JARID2: variants seen among roughly 807,000 people sequenced by gnomAD.
The protein encoded by JARID2 is protein Jumonji.
A neutral mutation model predicts 125.6 loss-of-function variants in JARID2; 21 were observed. The ratio of observed to expected loss-of-function variants is 0.17; its 90% confidence interval spans 0.12 to 0.24. The LOEUF (loss-of-function observed/expected upper bound fraction) is 0.24, where lower values mean the gene tolerates loss of function less well. JARID2 is among the 10% of genes least tolerant of loss of function. JARID2 has a pLI of 1.00. For synonymous variants in JARID2, 736 were observed against 661.6 expected, an observed-to-expected ratio of 1.11 and a Z score of -1.73; for missense variants, 1,303 against 1,639.6, an observed-to-expected ratio of 0.79 and a Z score of 3.55.
chr6:15,305,202 G>A (rs1051114544), intron 1 of JARID2, among the ~76,000 whole-genome samples: 15 of 152,258 alleles, frequency 9.9e-5, no homozygotes, highest in East Asian at 7.7e-4. Context: ...TGAAGAAAAC[G>A]TGAAGAAGGA....
chr6:15,415,495 T>C (rs1363582093), intron 3 of JARID2, among the ~76,000 whole-genome samples: 2 of 127,606 alleles, frequency 1.6e-5, no homozygotes, highest in African/African-American at 2.9e-5. Flanking sequence ...GCAGAGGGGC[T>C]CCTCACTTCC....
intron 1 of JARID2, among the ~76,000 whole-genome samples, chr6:15,255,786 T>C (rs142351718): frequency 1.3e-5 from 2 of 152,306 alleles, no homozygotes; most frequent in Non-Finnish European, 2.9e-5. Context: ...GGGGGCTGAG[T>C]GAATGCTTAT....
intron 5 of JARID2, among the ~76,000 whole-genome samples, chr6:15,477,846 T>G (rs950640757): frequency 6.6e-6 from 1 of 152,198 alleles, no homozygotes; most frequent in Non-Finnish European, 1.5e-5. Context: ...AACAACCTTA[T>G]AATTGCTAGG....
At chr6:15,277,736 GCTTT>G (rs1760585457) in intron 1 of JARID2, among the ~76,000 whole-genome samples, 1 of 149,334 alleles carries the variant, frequency 6.7e-6, no homozygotes, top group African/African-American at 2.5e-5. Context: ...ACAGAGAACA[GCTTT>G]CTATTTGTCG....
At chr6:15,298,395 T>G (rs984234084) in intron 1 of JARID2, among the ~76,000 whole-genome samples, 1 of 152,038 alleles carries the variant, frequency 6.6e-6, no homozygotes, top group African/African-American at 2.4e-5. Context: ...CAGAATTCCA[T>G]GGGTATCTTT....
chr6:15,333,250 A>G (rs1420638905), intron 1 of JARID2, among the ~76,000 whole-genome samples: 5 of 152,116 alleles, frequency 3.3e-5, no homozygotes, highest in Non-Finnish European at 5.9e-5. Flanking sequence ...CTTTTAAAGT[A>G]TATACAACTC....
chr6:15,373,586 C>T (rs1764247121), intron 1 of JARID2, among the ~76,000 whole-genome samples: 2 of 152,162 alleles, frequency 1.3e-5, no homozygotes, highest in Middle Eastern at 3.2e-3. Flanking sequence ...ACTTAAGTGG[C>T]CAATGCGGAT....
chr6:15,378,017 T>C (rs1376211233), intron 2 of JARID2, among the ~76,000 whole-genome samples: 3 of 151,694 alleles, frequency 2.0e-5, no homozygotes, highest in Non-Finnish European at 2.9e-5. Flanking sequence ...CCAGAGTAGC[T>C]GGGATTACAG....
intron 1 of JARID2, among the ~76,000 whole-genome samples, chr6:15,320,029 A>G (rs1338195848): frequency 6.6e-6 from 1 of 152,230 alleles, no homozygotes; most frequent in East Asian, 1.9e-4. Flanking sequence ...AATTTTAAGT[A>G]GACAAGGCTA....
intron 1 of JARID2, among the ~76,000 whole-genome samples, chr6:15,345,752 C>G (rs1053053978): frequency 4.6e-5 from 7 of 152,232 alleles, no homozygotes; most frequent in Admixed American, 6.5e-5. Flanking sequence ...CATTTTCTTA[C>G]GTTTTCTTAG....
chr6:15,361,843 A>C (rs948535182), intron 1 of JARID2, among the ~76,000 whole-genome samples: 1 of 151,970 alleles, frequency 6.6e-6, no homozygotes, highest in Non-Finnish European at 1.5e-5. Context: ...GATTGTTGTA[A>C]AGTATTGTTA....
intron 1 of JARID2, among the ~76,000 whole-genome samples, chr6:15,311,663 C>A (rs1762018476): frequency 6.6e-6 from 1 of 151,934 alleles, no homozygotes; most frequent in African/African-American, 2.4e-5. Flanking sequence ...TGCCTTTCTG[C>A]ACAATACAAA....
intron 1 of JARID2, chr6:15,368,549 T>A (rs546520126): frequency 4.0e-5 from 14 of 352,842 alleles, no homozygotes; most frequent in Admixed American, 1.1e-4. Context: ...TATATTTAAT[T>A]CTGGTTGTTG....
intron 17 of JARID2, among the ~76,000 whole-genome samples, chr6:15,518,326 C>T (rs1183928083): frequency 7.2e-5 from 11 of 152,154 alleles, no homozygotes; most frequent in Middle Eastern, 3.2e-3. Flanking sequence ...GGATGTGTGA[C>T]GTGACCAGAT....
chr6:15,403,826 T>C (rs1213250703), intron 2 of JARID2, among the ~76,000 whole-genome samples: 2 of 152,102 alleles, frequency 1.3e-5, no homozygotes, highest in Non-Finnish European at 2.9e-5. Flanking sequence ...GGGTTAAATA[T>C]AACAAAAATA....
rs73724419 is a variant in JARID2, at chr6:15,490,462, G to A, written c.906+2920G>A. Among the ~76,000 whole-genome samples, 700 of 152,238 alleles carry A rather than the reference G, an allele frequency of 4.6e-3. 4 individuals are homozygous for A. Among genetic ancestry groups the A allele is most frequent in the African/African-American group, 0.016 (669 of 41,560 alleles). ...GGCAATGCCATTTGATAGTGTGTGC[G>A]ATTTATGGAGTCCCTAGAACCCGAG... On this transcript the variant is annotated intron_variant, in intron 6 of 17. Coordinates refer to ENST00000341776, the MANE Select transcript of JARID2 (RefSeq NM_004973.4).
intron 3 of JARID2, among the ~76,000 whole-genome samples, chr6:15,415,466 G>A (rs1168874271): frequency 1.4e-5 from 2 of 140,970 alleles, no homozygotes; most frequent in Non-Finnish European, 3.2e-5. Flanking sequence ...CCTCCCTCCC[G>A]CACGGGGCGG....
At chr6:15,500,681 G>T (rs991540149) in intron 7 of JARID2, among the ~76,000 whole-genome samples, 2 of 152,094 alleles carry the variant, frequency 1.3e-5, no homozygotes. Flanking sequence ...CACCTAAAAT[G>T]GTAGTCCCTC....
intron 4 of JARID2, among the ~76,000 whole-genome samples, chr6:15,460,203 T>C (rs1768378059): frequency 6.6e-6 from 1 of 152,190 alleles, no homozygotes; most frequent in African/African-American, 2.4e-5. Context: ...TTTTGAGGTC[T>C]GAGGAGGGGA....
Sources: gnomAD v4.1 joint callset for allele counts (sites outside exome capture counted in the v4.1 genomes callset) on GRCh38, gnomAD v4.1.1 for gene constraint, MANE v1.5 for transcripts, NCBI Gene and HGNC (gene_info 2026-07-23, HGNC 2026-07-21) for gene names.